Variants in CCDC144A observed in about 807,000 individuals in gnomAD.
CCDC144A encodes coiled-coil domain containing 144A, also known as coiled-coil domain-containing protein 144A.
CCDC144A carries 41 observed loss-of-function variants against 143.8 expected under a neutral mutation model. The observed-to-expected ratio is 0.29, with a 90% CI of 0.22 to 0.37. The LOEUF is 0.37. CCDC144A is among the 10% of genes least tolerant of loss of function. CCDC144A has a pLI of 1.00. For synonymous variants in CCDC144A, 242 were observed against 517.9 expected (o/e 0.47, Z 7.23); for missense variants, 637 against 1,488.8 (o/e 0.43, Z 9.41).
At chr17:16,766,697 G>A (rs1387595739) in intron 15 of CCDC144A, among the ~76,000 whole-genome samples, 15 of 152,280 alleles carry the variant, frequency 9.9e-5, no homozygotes, top group African/African-American at 1.9e-4. Flanking sequence ...CTGAGATTGC[G>A]CTGCTGCACT....
At chr17:16,696,793 G>A (rs1208200683) in intron 2 of CCDC144A, among the ~76,000 whole-genome samples, 2 of 151,960 alleles carry the variant, frequency 1.3e-5, no homozygotes, top group Non-Finnish European at 2.9e-5. Context: ...TGTTTTGATG[G>A]TTCAGTGATA....
intron 6 of CCDC144A, among the ~76,000 whole-genome samples, chr17:16,712,518 C>T (rs969237469): frequency 3.9e-5 from 6 of 152,052 alleles, no homozygotes; most frequent in Admixed American, 3.3e-4. Context: ...TAAACACATA[C>T]ACATATATGT....
the CCDC144A span, among the ~76,000 whole-genome samples, chr17:16,683,073 C>T: frequency 6.6e-6 from 1 of 151,018 alleles, no homozygotes; most frequent in Admixed American, 6.6e-5. Flanking sequence ...GGGTGGAAGG[C>T]AGGGGTTTGG....
At chr17:16,759,281 C>A (rs1160804848) in intron 12 of CCDC144A, among the ~76,000 whole-genome samples, 2 of 152,174 alleles carry the variant, frequency 1.3e-5, no homozygotes, top group South Asian at 4.1e-4. Context: ...CGATAATTTC[C>A]ATTTACAGTG....
At chr17:16,746,021 A>G in intron 12 of CCDC144A, 1 of 1,611,870 alleles carries the variant, frequency 6.2e-7, no homozygotes, top group East Asian at 2.2e-5. Context: ...ATCTCTCCAC[A>G]TCCCTGTGCT....
intron 15 of CCDC144A, among the ~76,000 whole-genome samples, chr17:16,770,340 G>A (rs1382430412): frequency 6.6e-6 from 1 of 152,092 alleles, no homozygotes; most frequent in Admixed American, 6.5e-5. Context: ...TAGTAGAGAC[G>A]GGGTTTCATT....
chr17:16,672,361 C>T, the CCDC144A span, among the ~76,000 whole-genome samples: 8 of 151,944 alleles, frequency 5.3e-5, no homozygotes, highest in Admixed American at 5.3e-4. Context: ...AGGAGAATGG[C>T]TTGAACCTGG....
intron 11 of CCDC144A, among the ~76,000 whole-genome samples, chr17:16,733,995 G>T (rs1175932884): frequency 6.6e-6 from 1 of 152,084 alleles, no homozygotes; most frequent in Non-Finnish European, 1.5e-5. Context: ...AATACATTTA[G>T]CTGCGTGTGG....
intron 1 of CCDC144A, among the ~76,000 whole-genome samples, chr17:16,691,167 G>A (rs1169475680): frequency 6.6e-6 from 1 of 152,100 alleles, no homozygotes; most frequent in East Asian, 1.9e-4. Context: ...GACCAACATG[G>A]TGAAACCCCG....
intron 12 of CCDC144A, among the ~76,000 whole-genome samples, chr17:16,757,077 G>T (rs1191694272): frequency 6.6e-6 from 1 of 152,270 alleles, no homozygotes; most frequent in Non-Finnish European, 1.5e-5. Flanking sequence ...GGTGGCAGTG[G>T]GTTACCTGAG....
Position 16,709,143 on chromosome 17 carries a change from TG to T in CCDC144A, c.1087del (p.Glu363AsnfsTer39). 4 of 1,611,676 alleles carry T rather than the reference TG, an allele frequency of 2.5e-6. No individual in the cohort carries two copies. Among genetic ancestry groups the T allele is most frequent in the Non-Finnish European group, 3.4e-6 (4 of 1,179,652 alleles). ...TCTCAGTGGTATTCGAGACATTTCCTGAACAAAAAGAACCCAGTCTCAAAAA... is the reference window on the plus strand; with the variant it reads ...TCTCAGTGGTATTCGAGACATTTCCTAACAAAAAGAACCCAGTCTCAAAAA... Reference protein sequence around the residue: ...SVSVVFETFPEQKEPSLKNII... With the variant: ...SVSVVFETFPXQKEPSLKNII... On this transcript the variant is annotated frameshift_variant, in exon 5 of 17. Coordinates refer to ENST00000399273, the MANE Select transcript of CCDC144A (RefSeq NM_001382000.1). LOFTEE classifies it high-confidence loss of function.
chr17:16,685,473 TG>T (rs1910746749), upstream of CCDC144A, among the ~76,000 whole-genome samples: 1 of 151,896 alleles, frequency 6.6e-6, no homozygotes, highest in Non-Finnish European at 1.5e-5. Flanking sequence ...CTCCGCCTCC[TG>T]GGTTCAAGTG....
intron 15 of CCDC144A, chr17:16,764,701 TTTAAG>T (rs1567611208): frequency 6.0e-6 from 1 of 165,440 alleles, no homozygotes; most frequent in Non-Finnish European, 1.3e-5. Flanking sequence ...TAATCTGTTC[TTTAAG>T]TTAAAAGTTT....
chr17:16,671,424 CCTGCT>C, the CCDC144A span, among the ~76,000 whole-genome samples: 1 of 152,008 alleles, frequency 6.6e-6, no homozygotes, highest in Non-Finnish European at 1.5e-5. Context: ...AGTTCTGTGT[CCTGCT>C]CTGAGCATAA....
intron 12 of CCDC144A, among the ~76,000 whole-genome samples, chr17:16,743,248 T>C (rs1444065779): frequency 6.6e-6 from 1 of 151,998 alleles, no homozygotes; most frequent in Non-Finnish European, 1.5e-5. Context: ...TTAATCTATT[T>C]TGAGTTGATT....
At chr17:16,757,372 G>T (rs10438715) in intron 12 of CCDC144A, among the ~76,000 whole-genome samples, 1 of 152,104 alleles carries the variant, frequency 6.6e-6, no homozygotes, top group Non-Finnish European at 1.5e-5. Flanking sequence ...AGGAGCCTTT[G>T]CCAGTGGCTG....
At chr17:16,678,605 G>C in the CCDC144A span, among the ~76,000 whole-genome samples, 1 of 105,024 alleles carries the variant, frequency 9.5e-6, no homozygotes, top group Non-Finnish European at 1.9e-5. Context: ...TTTTTTGACA[G>C]AGTTTTGCTC....
intron 9 of CCDC144A, among the ~76,000 whole-genome samples, chr17:16,729,404 G>A (rs980712693): frequency 1.2e-4 from 18 of 152,184 alleles, no homozygotes; most frequent in South Asian, 2.1e-4. Flanking sequence ...AAAAATGTCT[G>A]TTCATGTCAT....
the CCDC144A span, chr17:16,683,580 G>A: frequency 6.2e-7 from 1 of 1,610,030 alleles, no homozygotes; most frequent in South Asian, 1.1e-5. Flanking sequence ...CAAAGCACAG[G>A]TGGACCGGTT....
Sources: gnomAD v4.1 joint callset for allele counts (sites outside exome capture counted in the v4.1 genomes callset) on GRCh38, gnomAD v4.1.1 for gene constraint, MANE v1.5 for transcripts, NCBI Gene and HGNC (gene_info 2026-07-23, HGNC 2026-07-21) for gene names.